Variants in GCLC observed in about 807,000 individuals in gnomAD.
The protein encoded by GCLC is glutamate--cysteine ligase catalytic subunit.
GCLC carries 30 observed loss-of-function variants against 81.5 expected under a neutral mutation model. The ratio of observed to expected loss-of-function variants is 0.37; its 90% CI spans 0.28 to 0.50. The LOEUF is 0.50. Among genes scored for constraint, GCLC ranks in the 20% least tolerant of loss-of-function variants. GCLC has a pLI of 0.96. For synonymous variants in GCLC, 262 were observed against 273.3 expected, an observed-to-expected ratio of 0.96 and a Z score of 0.41; for missense variants, 556 against 777.4, an observed-to-expected ratio of 0.72 and a Z score of 3.39.
Position 53,514,420 on chromosome 6 carries a change from CA to C in GCLC, c.619+18del, listed in dbSNP as rs774545757. 1.2e-6 allele frequency: 2 copies of C among 1,605,362 alleles called. No homozygotes were observed. The highest frequency in any genetic ancestry group is 1.7e-6 in the Non-Finnish European group (2 of 1,172,076). ...ACAACATGTCTCTCTCCCACCCCAC[CA>C]CCTCTCAGTAGACTTACTTGGTACA... On this transcript the variant is annotated intron_variant, in intron 5 of 15. Coordinates refer to ENST00000650454, the MANE Select transcript of GCLC (RefSeq NM_001498.4).
chr6:53,543,406 A>G (rs749434383), intron 1 of GCLC, among the ~76,000 whole-genome samples: 20 of 151,904 alleles, frequency 1.3e-4, no homozygotes, highest in Non-Finnish European at 1.2e-4. Flanking sequence ...TTAAAACAGC[A>G]CAATTTCTTC....
intron 6 of GCLC, among the ~76,000 whole-genome samples, chr6:53,511,040 G>C (rs1764728870): frequency 6.6e-6 from 1 of 152,210 alleles, no homozygotes; most frequent in South Asian, 2.1e-4. Flanking sequence ...TGAGCAGTGA[G>C]GAAATGGGAG....
chr6:53,532,038 C>A (rs1163997247), intron 1 of GCLC, among the ~76,000 whole-genome samples: 1 of 152,182 alleles, frequency 6.6e-6, no homozygotes, highest in African/African-American at 2.4e-5. Context: ...AATTAATTTT[C>A]TTATTACCCA....
rs1414361154 is a variant in GCLC, at chr6:53,500,421, T to C, written c.1477+11A>G. 8 of 1,606,000 alleles carry C rather than the reference T, an allele frequency of 5.0e-6. No homozygotes were observed. The highest frequency in any genetic ancestry group is 3.4e-6 in the Non-Finnish European group (4 of 1,172,648). ...ATAAGCTGACATTAGAAATCTAAGA[T>C]AATGTAATACCTTTGCAAATATCTT... On this transcript the variant is annotated intron_variant, in intron 13 of 15. Transcript: ENST00000650454.
In GCLC at chr6:53,509,338, G is replaced by A. The variant is rs923773135; in HGVS notation, c.754-88C>T. 88 of 814,428 alleles carry A rather than the reference G, an allele frequency of 1.1e-4. No individual in the cohort carries two copies. The African/African-American group carries it at 1.3e-3, about 12-fold the overall frequency. 50.5% of individuals were successfully genotyped at this position (814,428 alleles called of 1,614,324 possible). A position where few individuals can be genotyped will look rare whatever the true frequency, so the allele number is the denominator to read the frequency against. The stretch of plus-strand genomic sequence containing the variant: ...AGTCAGAGAAGGAAGGTGCTGGGCA[G>A]AGAGGGGCAAGTTAACAACGCTTCA... On this transcript the variant is annotated intron_variant, in intron 6 of 15. Transcript: ENST00000650454.
In GCLC at chr6:53,516,153, G is replaced by A. The variant is rs777421390; in HGVS notation, c.516C>T (p.Ser172=). ...PNPVEGGASK[S]LFFPDEAINK... ...TTATTGCTTCATCTGGAAAGAAGAG[G>A]GACTTGGAAGCTCCTCCTTCCACTG... The change falls in exon 4 of 16, where the codon TCC becomes TCT. Residue 172 remains serine (S), a synonymous_variant. Coordinates refer to ENST00000650454, the MANE Select transcript of GCLC (RefSeq NM_001498.4). 1.8e-5 allele frequency: 29 copies of A among 1,613,578 alleles called. No individual in the cohort carries two copies. In the South Asian group the frequency reaches 3.1e-4, roughly 17 times the overall value.
At chr6:53,531,405 T>C (rs572073481) in intron 1 of GCLC, among the ~76,000 whole-genome samples, 4 of 152,326 alleles carry the variant, frequency 2.6e-5, no homozygotes, top group Admixed American at 2.6e-4. Context: ...CATGGAATGC[T>C]GTCTAACCCT....
intron 11 of GCLC, 32 bp downstream of exon 11, chr6:53,505,771 T>C (rs746204723): frequency 1.6e-6 from 2 of 1,234,384 alleles, no homozygotes; most frequent in Admixed American, 3.4e-5. Context: ...AGAGTACTTT[T>C]GAGTCAGTTC....
In GCLC at chr6:53,521,648, C is replaced by T. The variant is rs978723329; in HGVS notation, c.264-688G>A. Among the ~76,000 whole-genome samples the T allele has an allele frequency of 5.9e-5, 9 of 152,112 alleles. No individual in the cohort carries two copies. In the South Asian group the frequency reaches 8.3e-4, roughly 14 times the overall value. On this transcript the variant is annotated intron_variant, in intron 2 of 15. Transcript: ENST00000650454. The stretch of plus-strand genomic sequence containing the variant: ...GGAGTATATATTCCCCTCCCCTCCC[C>T]GTCTCTGTCTACTTAAATGTAGGAA...
intron 2 of GCLC, 72 bp downstream of exon 2, chr6:53,522,343 A>G: frequency 1.1e-6 from 1 of 910,942 alleles, no homozygotes; most frequent in South Asian, 1.3e-5. Flanking sequence ...GCCTCCAATA[A>G]TTGAGAAAAA....
intron 9 of GCLC, 88 bp downstream of exon 9, chr6:53,507,392 C>G (rs1024764171): frequency 4.5e-5 from 58 of 1,293,176 alleles, no homozygotes; most frequent in Non-Finnish European, 6.5e-5. Context: ...AAATAGAAAC[C>G]AGACCAGGAG....
rs747437900 is a variant in GCLC at position 53,541,970 on chromosome 6, C to A, written c.150+2526G>T. On this transcript the variant is annotated intron_variant, in intron 1 of 15. Transcript: ENST00000650454. ...GCAGCCTCAAACTCCCAGGCTTAAGCGATCCTTCTATCTCAGCCTCCCGAG... is the reference window on the plus strand; with the variant it reads ...GCAGCCTCAAACTCCCAGGCTTAAGAGATCCTTCTATCTCAGCCTCCCGAG... Among the ~76,000 whole-genome samples, 5 of 152,088 alleles carry A rather than the reference C, an allele frequency of 3.3e-5. No homozygotes were observed. The East Asian group carries it at 7.7e-4, about 23-fold the overall frequency.
chr6:53,534,713 T>C (rs899003287), intron 1 of GCLC, among the ~76,000 whole-genome samples: 1 of 151,990 alleles, frequency 6.6e-6, no homozygotes, highest in African/African-American at 2.4e-5. Flanking sequence ...GGAAACCATT[T>C]ACAATAGAAC....
chr6:53,500,802 A>G (rs1341269177), intron 12 of GCLC: 2 of 460,756 alleles, frequency 4.3e-6, no homozygotes, highest in East Asian at 9.1e-5. Context: ...TCTGTGACTG[A>G]GCCTTGCAAC....
In GCLC at chr6:53,520,949, AGGGTAGGAT is replaced by A. The variant is rs756727616; in HGVS notation, c.266_274del (p.His89_Thr91del). On this transcript the variant is annotated inframe_deletion and splice_region_variant, in exon 3 of 16. Coordinates refer to ENST00000650454, the MANE Select transcript of GCLC (RefSeq NM_001498.4). ...GTAACTCCCATACTCTGGTCTCCAA[AGGGTAGGAT>A]GGCTACGGAGGAGAAATAACTTAGT... 1 of 1,612,908 alleles carries A rather than the reference AGGGTAGGAT, an allele frequency of 6.2e-7. No individual in the cohort carries two copies. Among genetic ancestry groups the A allele is most frequent in the South Asian group, 1.1e-5 (1 of 91,062 alleles).
intron 1 of GCLC, among the ~76,000 whole-genome samples, chr6:53,540,662 T>G (rs1056013986): frequency 1.2e-4 from 15 of 129,322 alleles, no homozygotes; most frequent in Non-Finnish European, 2.0e-4. Context: ...ATGTTAAGTG[T>G]CTTGCCACAC....
intron 7 of GCLC, 115 bp from the exon 8 acceptor site, chr6:53,508,826 G>C (rs1438695083): frequency 6.6e-6 from 5 of 757,800 alleles, no homozygotes; most frequent in Admixed American, 1.8e-5. Flanking sequence ...CCCATACAGA[G>C]CACATGTACC....
At chr6:53,501,918 A>G (rs898297442) in intron 12 of GCLC, among the ~76,000 whole-genome samples, 1 of 152,184 alleles carries the variant, frequency 6.6e-6, no homozygotes, top group Admixed American at 6.5e-5. Context: ...TCTTTTTGTT[A>G]AGACATTTAA....
chr6:53,525,541 TAAAA>T, intron 1 of GCLC, among the ~76,000 whole-genome samples: 1 of 152,158 alleles, frequency 6.6e-6, no homozygotes, highest in Non-Finnish European at 1.5e-5. Context: ...AAGAAAATAA[TAAAA>T]CAGATGCCTT....
Sources: allele counts gnomAD v4.1 joint callset (sites outside exome capture counted in the v4.1 genomes callset), GRCh38; gene constraint gnomAD v4.1.1; transcripts MANE v1.5; gene names NCBI Gene and HGNC (gene_info 2026-07-23, HGNC 2026-07-21).